ATP8B1: variants seen among roughly 807,000 people sequenced by gnomAD.
ATP8B1 encodes ATPase phospholipid transporting 8B1, also known as phospholipid-transporting ATPase IC.
ATP8B1 carries 80 observed loss-of-function variants against 149.9 expected under a neutral mutation model. The observed-to-expected ratio is 0.53, with a 90% CI of 0.45 to 0.64. The LOEUF (loss-of-function observed/expected upper bound fraction) is 0.64. Ranked by LOEUF, ATP8B1 falls within the 30% of genes least tolerant of loss-of-function variation. The pLI, the probability that ATP8B1 is intolerant of heterozygous loss-of-function variation, is 0.00. For synonymous variants in ATP8B1, 536 were observed against 562.8 expected (o/e 0.95, Z 0.67); for missense variants, 1,247 against 1,552.6 (o/e 0.80, Z 3.31).
At chr18:57,729,482 G>T (rs545965586) in intron 2 of ATP8B1, among the ~76,000 whole-genome samples, 1 of 151,850 alleles carries the variant, frequency 6.6e-6, no homozygotes, top group African/African-American at 2.4e-5. Flanking sequence ...CCAATATCCA[G>T]TCTGGACCTG....
chr18:57,741,270 G>A (rs1023723373), intron 1 of ATP8B1, among the ~76,000 whole-genome samples: 1 of 152,136 alleles, frequency 6.6e-6, no homozygotes, highest in African/African-American at 2.4e-5. Context: ...ATATGGCGCA[G>A]GTAATGGGAT....
chr18:57,786,598 T>A (rs2080412604), intron 1 of ATP8B1, among the ~76,000 whole-genome samples: 1 of 152,120 alleles, frequency 6.6e-6, no homozygotes, highest in Non-Finnish European at 1.5e-5. Flanking sequence ...TCCGAGATGG[T>A]ACCACCTATG....
At chr18:57,678,315 C>T (rs1386142486) in intron 15 of ATP8B1, among the ~76,000 whole-genome samples, 2 of 152,042 alleles carry the variant, frequency 1.3e-5, no homozygotes, top group African/African-American at 2.4e-5. Flanking sequence ...GGGCAGGGCA[C>T]GGTGGCTCAC....
chr18:57,734,738 T>C (rs1171680048), intron 1 of ATP8B1, among the ~76,000 whole-genome samples: 2 of 152,220 alleles, frequency 1.3e-5, no homozygotes, highest in African/African-American at 4.8e-5. Context: ...CATTATCTTA[T>C]GGCTTCACAG....
intron 1 of ATP8B1, among the ~76,000 whole-genome samples, chr18:57,759,218 T>G (rs1020414576): frequency 6.6e-6 from 1 of 150,940 alleles, no homozygotes; most frequent in Non-Finnish European, 1.5e-5. Context: ...TGCTTCCCTT[T>G]CTTTCTCTGT....
chr18:57,694,305 G>T (rs1912690860), intron 11 of ATP8B1, among the ~76,000 whole-genome samples: 1 of 152,026 alleles, frequency 6.6e-6, no homozygotes, highest in African/African-American at 2.4e-5. Flanking sequence ...GGGCTTCCTG[G>T]TTTTCCAGTT....
intron 22 of ATP8B1, among the ~76,000 whole-genome samples, chr18:57,656,131 C>T (rs1320887009): frequency 6.6e-6 from 1 of 152,068 alleles, no homozygotes; most frequent in African/African-American, 2.4e-5. Context: ...AGAAGCTCTT[C>T]TGGTAAGTGA....
intron 1 of ATP8B1, among the ~76,000 whole-genome samples, chr18:57,764,176 G>A (rs551676070): frequency 4.0e-4 from 61 of 152,288 alleles, no homozygotes; most frequent in Non-Finnish European, 7.9e-4. Context: ...ACAGATGAAC[G>A]AACGACGGAC....
chr18:57,777,080 G>T (rs889380502), intron 1 of ATP8B1, among the ~76,000 whole-genome samples: 2 of 151,612 alleles, frequency 1.3e-5, no homozygotes, highest in African/African-American at 4.9e-5. Flanking sequence ...GGGCTCAAGT[G>T]ATTCCTCCCA....
chr18:57,676,673 C>T (rs1237980068), intron 15 of ATP8B1, among the ~76,000 whole-genome samples: 2 of 130,132 alleles, frequency 1.5e-5, no homozygotes, highest in Admixed American at 1.7e-4. Flanking sequence ...GAGCCGAGAT[C>T]TCGCCACTGC....
intron 1 of ATP8B1, among the ~76,000 whole-genome samples, chr18:57,801,398 C>T (rs1599255351): frequency 6.6e-6 from 1 of 152,298 alleles, no homozygotes; most frequent in Middle Eastern, 3.4e-3. Context: ...CGTGACTTCT[C>T]CCCCAGAAAG....
chr18:57,793,519 A>G (rs1251527694), intron 1 of ATP8B1, among the ~76,000 whole-genome samples: 1 of 152,096 alleles, frequency 6.6e-6, no homozygotes, highest in African/African-American at 2.4e-5. Context: ...CCATCTTCCA[A>G]GAAATCAAAG....
intron 3 of ATP8B1, 105 bp from the exon 4 acceptor site, chr18:57,704,773 T>C: frequency 1.3e-6 from 1 of 769,986 alleles, no homozygotes; most frequent in Non-Finnish European, 2.2e-6. Context: ...CAAAGGAACA[T>C]CATCTGTCAG....
rs549953599 is a variant in ATP8B1, at chr18:57,784,697, C to T, written c.-26+18301G>A. Among the ~76,000 whole-genome samples, 3 of 151,480 alleles carry T rather than the reference C, an allele frequency of 2.0e-5. No homozygotes were observed. The highest frequency in any genetic ancestry group is 4.9e-5 in the African/African-American group (2 of 40,806). ...AAACGTGCAGGAGAGTATTATGAAA[C>T]GTGCCTATGACTAAGTCCTGCGAAA... is the stretch of plus-strand genomic sequence containing the variant. On this transcript the variant is annotated intron_variant, in intron 1 of 27. Coordinates refer to ENST00000648908, the MANE Select transcript of ATP8B1 (RefSeq NM_001374385.1). This position sits in a 1 kb window ranked among gnomAD's most constrained non-coding sequence, Gnocchi z 4.4.
At chr18:57,667,927 C>T (rs1005988592) in intron 19 of ATP8B1, 1 of 398,060 alleles carries the variant, frequency 2.5e-6, no homozygotes. Flanking sequence ...TTGTGGAAGG[C>T]TTACAAAGTA....
At chr18:57,684,222 A>G in intron 14 of ATP8B1, 30 bp from the exon 15 acceptor site, 1 of 1,595,302 alleles carries the variant, frequency 6.3e-7, no homozygotes, top group Non-Finnish European at 8.6e-7. Context: ...ACAAAATATG[A>G]TTTTATAAAA....
intron 1 of ATP8B1, among the ~76,000 whole-genome samples, chr18:57,773,212 A>AAAAG (rs1555655687): frequency 1.3e-5 from 2 of 151,402 alleles, no homozygotes; most frequent in South Asian, 2.1e-4. Context: ...AAAAAAAAAA[A>AAAAG]AAAAAAGAAA....
intron 27 of ATP8B1, among the ~76,000 whole-genome samples, chr18:57,649,539 C>T (rs111527615): frequency 2.8e-3 from 433 of 152,254 alleles, no homozygotes; most frequent in Non-Finnish European, 4.6e-3. Context: ...TGAAGGTTGC[C>T]TCAGTAGCCT....
chr18:57,664,707 A>G (rs992451059), intron 20 of ATP8B1, among the ~76,000 whole-genome samples: 2 of 152,194 alleles, frequency 1.3e-5, no homozygotes, highest in African/African-American at 4.8e-5. Context: ...GTGATAGAAA[A>G]ATGAGTCATG....
Sources: allele counts gnomAD v4.1 joint callset (sites outside exome capture counted in the v4.1 genomes callset), GRCh38; gene constraint gnomAD v4.1.1; non-coding constraint Gnocchi (gnomAD v3.1); transcripts MANE v1.5; gene names NCBI Gene and HGNC (gene_info 2026-07-23, HGNC 2026-07-21).